Variants in CLGN observed in about 807,000 individuals in gnomAD.
CLGN encodes calmegin, also known as testis tissue sperm-binding protein Li 79P.
A neutral mutation model predicts 79.1 loss-of-function variants in CLGN; 62 were observed. The observed-to-expected ratio is 0.78, with a 90% confidence interval of 0.64 to 0.97. The LOEUF is 0.97. Ranked by LOEUF, CLGN falls within the 50% of genes least tolerant of loss-of-function variation. The pLI is 0.00. For synonymous variants in CLGN, 225 were observed against 224.7 expected (o/e 1.00, Z -0.01); for missense variants, 647 against 715.5 (o/e 0.90, Z 1.09).
At chr4:140,396,015 A>G in intron 9 of CLGN, 46 bp from the exon 10 acceptor site, 1 of 1,608,786 alleles carries the variant, frequency 6.2e-7, no homozygotes, top group Middle Eastern at 1.7e-4. Flanking sequence ...CAAGTCTCAG[A>G]TCAGTCATAT....
intron 7 of CLGN, among the ~76,000 whole-genome samples, chr4:140,399,312 T>C (rs1728953466): frequency 6.6e-6 from 1 of 152,226 alleles, no homozygotes; most frequent in Admixed American, 6.5e-5. Flanking sequence ...GTTTTGGGAC[T>C]CATAACGAGT....
At chr4:140,427,064 G>A (rs1173475612) in intron 1 of CLGN, among the ~76,000 whole-genome samples, 1 of 152,212 alleles carries the variant, frequency 6.6e-6, no homozygotes, top group Non-Finnish European at 1.5e-5. Context: ...TCAGCAGAGT[G>A]AGCAGCGCCC....
At chr4:140,400,292 T>C (rs1728974610) in intron 7 of CLGN, 65 bp downstream of exon 7, 1 of 1,193,462 alleles carries the variant, frequency 8.4e-7, no homozygotes, top group Non-Finnish European at 1.2e-6. Context: ...TGTAAAGCAC[T>C]TGCCATGAAT....
chr4:140,406,606 T>C (rs1729112672), intron 4 of CLGN, among the ~76,000 whole-genome samples: 1 of 152,232 alleles, frequency 6.6e-6, no homozygotes, highest in South Asian at 2.1e-4. Context: ...CAAACCCTTC[T>C]CAGGGTACAC....
chr4:140,398,336 T>A (rs1012243916), intron 8 of CLGN, among the ~76,000 whole-genome samples: 2 of 144,818 alleles, frequency 1.4e-5, no homozygotes, highest in Admixed American at 7.4e-5. Context: ...TGGCACGACC[T>A]TGGGCTCACT....
At position 140,401,989 on chromosome 4, in the gene CLGN, A is replaced by T; in HGVS notation, c.497T>A (p.Ile166Asn). Residue 166 changes from isoleucine (I) to asparagine (N), a missense_variant, in exon 6 of 15, where the codon ATT becomes AAT. Physicochemically the swap from Ile to Asn is moderately radical, Grantham distance 149. Transcript: ENST00000325617. ...IKLLADTDDL[I>N]LENFYDKTSY... The stretch of plus-strand genomic sequence containing the variant: ...TTAAATATTAAAATATCATACCAGA[A>T]TCAAATCATCAGTGTCTGCTAGGAG... 1 of 1,520,696 alleles carries T rather than the reference A, an allele frequency of 6.6e-7. No homozygotes were observed. Among genetic ancestry groups the T allele is most frequent in the Non-Finnish European group, 9.0e-7 (1 of 1,116,522 alleles). 94.2% of individuals were successfully genotyped at this position (1,520,696 alleles called of 1,614,324 possible).
chr4:140,400,049 T>C (rs1728969235), intron 7 of CLGN, among the ~76,000 whole-genome samples: 1 of 152,200 alleles, frequency 6.6e-6, no homozygotes, highest in Non-Finnish European at 1.5e-5. Context: ...AAAATGTCCT[T>C]TCACCCTACT....
intron 4 of CLGN, among the ~76,000 whole-genome samples, chr4:140,408,698 G>C (rs936857648): frequency 4.6e-5 from 7 of 151,768 alleles, no homozygotes; most frequent in African/African-American, 1.5e-4. Context: ...TGGTAAAAAG[G>C]GAACATTTAT....
intron 5 of CLGN, among the ~76,000 whole-genome samples, chr4:140,405,718 C>T (rs1264862952): frequency 6.6e-6 from 1 of 152,106 alleles, no homozygotes; most frequent in African/African-American, 2.4e-5. Context: ...AATATTAGTA[C>T]TAGGCCATAA....
chr4:140,421,639 T>TA (rs1671937714), intron 1 of CLGN, among the ~76,000 whole-genome samples: 1 of 152,152 alleles, frequency 6.6e-6, no homozygotes, highest in African/African-American at 2.4e-5. Context: ...TTTGCCTATT[T>TA]AAAAAATCAG....
chr4:140,422,562 CA>C (rs1175613223), intron 1 of CLGN, among the ~76,000 whole-genome samples: 1 of 152,028 alleles, frequency 6.6e-6, no homozygotes, highest in African/African-American at 2.4e-5. Context: ...TGTTAGTATA[CA>C]GAAGTGCAAC....
rs774124333 is a variant in CLGN at position 140,410,593 on chromosome 4, C to T, written c.178G>A (p.Val60Ile). 7.5e-6 allele frequency: 12 copies of T among 1,603,320 alleles called. No individual in the cohort carries two copies. The highest frequency in any genetic ancestry group is 1.0e-5 in the Non-Finnish European group (12 of 1,170,686). The part of the protein sequence containing the change: ...KYKTPQPIGE[V>I]YFAETFDSGR... Reference sequence around the variant, plus strand: ...CTATCAAAAGTTTCTGCAAAATATACTTCTCCTATAGGTTGAGGTGTCTTA... The same window carrying T: ...CTATCAAAAGTTTCTGCAAAATATATTTCTCCTATAGGTTGAGGTGTCTTA... Residue 60 changes from valine to isoleucine, a missense_variant, in exon 3 of 15, where the codon GTA becomes ATA. Coordinates refer to ENST00000325617, the MANE Select transcript of CLGN (RefSeq NM_004362.3).
rs72939847 is a variant in CLGN, at chr4:140,389,547, C to T, written c.1753-243G>A. ...CTGAAAGATGGAATTAAGATGTTTT[C>T]GAAGGTACACAAAATATTTTGTAAA... On this transcript the variant is annotated intron_variant, in intron 14 of 14. Transcript: ENST00000325617. Among the ~76,000 whole-genome samples, 1,258 of 151,678 alleles carry T rather than the reference C, an allele frequency of 8.3e-3. 14 individuals are homozygous for T. Among genetic ancestry groups the T allele is most frequent in the African/African-American group, 0.027 (1,131 of 41,466 alleles).
chr4:140,427,353 C>T (rs1729589850), intron 1 of CLGN, among the ~76,000 whole-genome samples, 184 bp downstream of exon 1: 1 of 152,324 alleles, frequency 6.6e-6, no homozygotes, highest in African/African-American at 2.4e-5. Flanking sequence ...CCAGTCAAGA[C>T]CCTAGCTCGC....
chr4:140,416,960 T>A (rs1282829691), intron 1 of CLGN, among the ~76,000 whole-genome samples: 1 of 152,170 alleles, frequency 6.6e-6, no homozygotes, highest in Admixed American at 6.5e-5. Context: ...AATAAAATAC[T>A]GCCAAACTGA....
chr4:140,421,674 G>C (rs1729472559), intron 1 of CLGN, among the ~76,000 whole-genome samples: 1 of 152,010 alleles, frequency 6.6e-6, no homozygotes, highest in South Asian at 2.1e-4. Context: ...TTGAGTTGTA[G>C]GAGTTCCTAC....
At position 140,388,891 on chromosome 4, in the gene CLGN, A is replaced by T. The variant is rs1728723201; in HGVS notation, c.*333T>A. The stretch of plus-strand genomic sequence containing the variant: ...ATTTAAGTGGAAATTCCAATAACTG[A>T]TTTTTCCAATAGCAATGAAGCTGCT... On this transcript the variant is annotated 3_prime_UTR_variant, in exon 15 of 15. Transcript: ENST00000325617. 1 of 200,562 alleles carries T rather than the reference A, an allele frequency of 5.0e-6. No homozygotes were observed. Among genetic ancestry groups the T allele is most frequent in the South Asian group, 1.4e-4 (1 of 7,168 alleles). 12.4% of individuals were successfully genotyped at this position (200,562 alleles called of 1,614,324 possible).
At chr4:140,410,526 A>T in intron 3 of CLGN, 27 bp downstream of exon 3, 1 of 1,501,938 alleles carries the variant, frequency 6.7e-7, no homozygotes, top group Non-Finnish European at 9.3e-7. Flanking sequence ...TAAATCAAAG[A>T]AAACATTCTC....
intron 7 of CLGN, 135 bp from the exon 8 acceptor site, chr4:140,399,175 G>A (rs575656215): frequency 7.8e-6 from 5 of 639,248 alleles, no homozygotes; most frequent in African/African-American, 1.9e-5. Flanking sequence ...AATAACCAAT[G>A]TATTGAACTA....
Sources: gnomAD v4.1 joint callset for allele counts (sites outside exome capture counted in the v4.1 genomes callset) on GRCh38, gnomAD v4.1.1 for gene constraint, MANE v1.5 for transcripts, NCBI Gene and HGNC (gene_info 2026-07-23, HGNC 2026-07-21) for gene names.